ASIC2: variants seen among roughly 807,000 people sequenced by gnomAD.
ASIC2 encodes acid-sensing ion channel 2.
A neutral mutation model predicts 57.3 loss-of-function variants in ASIC2; 25 were observed. The observed-to-expected ratio is 0.44, with a 90% CI of 0.32 to 0.61. ASIC2 has a LOEUF of 0.61. Among genes scored for constraint, ASIC2 ranks in the 20% least tolerant of loss-of-function variants. ASIC2 has a pLI of 0.06. For synonymous variants in ASIC2, 319 were observed against 307.5 expected, an observed-to-expected ratio of 1.04 and a Z score of -0.39; for missense variants, 641 against 738.1, an observed-to-expected ratio of 0.87 and a Z score of 1.52.
chr17:33,462,577 G>C (rs1356494660), intron 1 of ASIC2, among the ~76,000 whole-genome samples: 1 of 152,232 alleles, frequency 6.6e-6, no homozygotes, highest in African/African-American at 2.4e-5. Context: ...GCTGCCGTAT[G>C]TGGGTGCCAC....
At chr17:33,206,919 G>A (rs1907084011) in intron 1 of ASIC2, among the ~76,000 whole-genome samples, 1 of 152,138 alleles carries the variant, frequency 6.6e-6, no homozygotes, top group South Asian at 2.1e-4. Flanking sequence ...AGAGCTCACG[G>A]GATGGGGAGC....
At position 33,292,048 on chromosome 17, in the gene ASIC2, G is replaced by A; in HGVS notation, c.68C>T (p.Ala23Val). The A allele has an allele frequency of 8.8e-7, 1 of 1,140,466 alleles. No homozygotes were observed. Among genetic ancestry groups the A allele is most frequent in the Non-Finnish European group, 1.1e-6 (1 of 935,356 alleles). 70.6% of individuals were successfully genotyped at this position (1,140,466 alleles called of 1,614,324 possible). A position where few individuals can be genotyped will look rare whatever the true frequency, so the allele number is the denominator to read the frequency against. ...ALTGPGRFRM[A>V]REEPAPAALA... ...CGCCGCGGGCGCCGGCTCCTCGCGG[G>A]CCATGCGGAAGCGTCCCGGGCCGGT... The change falls in exon 1 of 10, where the codon GCC becomes GTC. Residue 23 changes from alanine to valine, a missense_variant. This residue lies in a region of ASIC2 where 382 missense variants were observed against 398.0 expected (regional missense o/e 0.96). Transcript: ENST00000225823.
chr17:33,266,524 G>A (rs1909464548), intron 1 of ASIC2, among the ~76,000 whole-genome samples: 1 of 151,476 alleles, frequency 6.6e-6, no homozygotes, highest in South Asian at 2.1e-4. Flanking sequence ...TTCTTCTTCA[G>A]GAGCTACCTT....
chr17:34,155,692 T>C (rs1567618560), intron 1 of ASIC2: 1 of 419,798 alleles, frequency 2.4e-6, no homozygotes. Flanking sequence ...GCCTCCTCCC[T>C]CTGACTGGGA....
intron 1 of ASIC2, among the ~76,000 whole-genome samples, chr17:33,777,521 C>T (rs1387854604): frequency 1.3e-5 from 2 of 152,096 alleles, no homozygotes; most frequent in African/African-American, 4.8e-5. Context: ...GCCCACCAAC[C>T]CACCATGACA....
At chr17:33,854,262 G>A (rs1018127665) in intron 1 of ASIC2, among the ~76,000 whole-genome samples, 10 of 152,002 alleles carry the variant, frequency 6.6e-5, no homozygotes, top group East Asian at 1.9e-4. Context: ...TGTCAGTTTA[G>A]TGGGTGGCAT....
chr17:33,770,922 C>T (rs1240101295), intron 1 of ASIC2, among the ~76,000 whole-genome samples: 1 of 152,116 alleles, frequency 6.6e-6, no homozygotes, highest in Non-Finnish European at 1.5e-5. Flanking sequence ...AAGGAACATT[C>T]ATTGTCTGGG....
intron 1 of ASIC2, among the ~76,000 whole-genome samples, chr17:33,451,123 C>T (rs1380406132): frequency 6.6e-6 from 1 of 151,250 alleles, no homozygotes; most frequent in African/African-American, 2.4e-5. Context: ...GTGGTGCAGT[C>T]TCAGCTCACT....
At chr17:33,045,282 G>A (rs570506765) in intron 3 of ASIC2, among the ~76,000 whole-genome samples, 1 of 152,256 alleles carries the variant, frequency 6.6e-6, no homozygotes, top group African/African-American at 2.4e-5. Flanking sequence ...CATAAGAGCC[G>A]CCTCAGCAAG....
intron 1 of ASIC2, among the ~76,000 whole-genome samples, chr17:33,912,799 G>A (rs1292643619): frequency 3.3e-5 from 5 of 151,964 alleles, no homozygotes; most frequent in African/African-American, 7.3e-5. Flanking sequence ...GACCAACATG[G>A]AGAAACCCCG....
Position 33,291,659 on chromosome 17 carries a change from A to G in ASIC2, c.457T>C (p.Tyr153His). 6.2e-7 allele frequency: 1 copy of G among 1,612,850 alleles called. No homozygotes were observed. Among genetic ancestry groups the G allele is most frequent in the Non-Finnish European group, 8.5e-7 (1 of 1,179,724 alleles). ...AGCAGCCCGAGCCAGTGGCCGGCAT[A>G]GTAGAGGTCCCCCTTGGAGAGGCGC... is the stretch of plus-strand genomic sequence containing the variant. ...FPRLSKGDLY[Y>H]AGHWLGLLLP... Residue 153 changes from tyrosine (Y) to histidine (H), a missense_variant, in exon 1 of 10, where the codon TAT (tyrosine) becomes CAT (histidine). Physicochemically the swap from Tyr to His is moderately conservative, Grantham distance 83 (BLOSUM62 2). Around this residue, in one of 3 missense-constraint regions of ASIC2, gnomAD observed 382 missense variants for 398.0 expected, o/e 0.96. Transcript: ENST00000225823.
chr17:34,124,718 T>C (rs755190747), intron 1 of ASIC2, among the ~76,000 whole-genome samples: 10 of 152,192 alleles, frequency 6.6e-5, no homozygotes, highest in Admixed American at 1.3e-4. Flanking sequence ...CTTCCCAGTT[T>C]ATACGTGGCT....
chr17:33,120,835 C>A (rs950735778), intron 1 of ASIC2, among the ~76,000 whole-genome samples: 1 of 152,106 alleles, frequency 6.6e-6, no homozygotes, highest in African/African-American at 2.4e-5. Context: ...CAGGGCCTGG[C>A]CTGGTAGCTG....
intron 1 of ASIC2, among the ~76,000 whole-genome samples, chr17:33,181,512 G>A (rs979264865): frequency 6.6e-6 from 1 of 152,114 alleles, no homozygotes; most frequent in Non-Finnish European, 1.5e-5. Context: ...GGGATCTAGG[G>A]AGAGTCCATC....
rs201420934 is a variant in ASIC2, at chr17:33,799,427, C to CTTCTTTCT, written c.555+356543_555+356550dup. On this transcript the variant is annotated intron_variant, in intron 1 of 9. Coordinates refer to the ASIC2 transcript ENST00000359872. ...CTTTTCTTTCTTTCTTTCTTTCTTT[C>CTTCTTTCT]TTCTTTCTTTCTTTCTTTCTTTCTT... is the stretch of plus-strand genomic sequence containing the variant. 2.0e-3 allele frequency among the ~76,000 whole-genome samples: 170 copies of CTTCTTTCT among 84,080 alleles called. 2 individuals carry two copies. Among genetic ancestry groups the CTTCTTTCT allele is most frequent in the Admixed American group, 0.01 (76 of 7,368 alleles). 55.2% of individuals were successfully genotyped at this position (84,080 alleles called of 152,430 possible).
chr17:34,135,055 C>G (rs537752220), intron 1 of ASIC2, among the ~76,000 whole-genome samples: 55 of 152,368 alleles, frequency 3.6e-4, no homozygotes, highest in Middle Eastern at 6.8e-3. Context: ...CACAGACAGG[C>G]TTGTCAGAAC....
chr17:33,943,352 G>T (rs369969267), intron 1 of ASIC2, among the ~76,000 whole-genome samples: 1 of 152,228 alleles, frequency 6.6e-6, no homozygotes, highest in South Asian at 2.1e-4. Context: ...TCCCTATACC[G>T]CATGTTTCAA....
chr17:33,799,365 T>TCTTC (rs1912017721), intron 1 of ASIC2, among the ~76,000 whole-genome samples: 1 of 124,598 alleles, frequency 8.0e-6, no homozygotes, highest in African/African-American at 3.2e-5. Flanking sequence ...TTTCTTTCTT[T>TCTTC]CTTTCTTTCT....
intron 1 of ASIC2, among the ~76,000 whole-genome samples, chr17:33,600,799 G>A (rs1905101717): frequency 6.6e-6 from 1 of 152,140 alleles, no homozygotes; most frequent in African/African-American, 2.4e-5. Flanking sequence ...AACTACTTGA[G>A]TAGTCATAAT....
Sources: allele counts gnomAD v4.1 joint callset (sites outside exome capture counted in the v4.1 genomes callset), GRCh38; gene constraint gnomAD v4.1.1; regional missense constraint gnomAD v4.1.1; transcripts MANE v1.5; gene names NCBI Gene and HGNC (gene_info 2026-07-23, HGNC 2026-07-21).